The following NOL4L variants were observed in gnomAD, a reference collection of about 807,000 sequenced individuals.
NOL4L encodes the protein nucleolar protein 4-like.
A neutral mutation model predicts 64.5 loss-of-function variants in NOL4L; 7 were observed. The observed-to-expected ratio is 0.11, with a 90% CI of 0.06 to 0.20. The LOEUF (loss-of-function observed/expected upper bound fraction) is 0.20. NOL4L is among the 10% of genes least tolerant of loss of function. The pLI is 1.00. For missense variants in NOL4L, 680 were observed against 967.1 expected (o/e 0.70, Z 3.94); for synonymous variants, 413 against 401.0 (o/e 1.03, Z -0.36).
chr20:32,455,904 G>T (rs911311590), intron 6 of NOL4L, among the ~76,000 whole-genome samples: 1 of 152,120 alleles, frequency 6.6e-6, no homozygotes, highest in Non-Finnish European at 1.5e-5. Context: ...TCACAGGCTC[G>T]GAGAAGGGGG....
chr20:32,528,433 C>T (rs567801220), intron 1 of NOL4L, among the ~76,000 whole-genome samples: 1 of 152,382 alleles, frequency 6.6e-6, no homozygotes, highest in East Asian at 1.9e-4. Context: ...GCCCTCCCCA[C>T]TCCAGCAGCT....
At chr20:32,449,355 A>C (rs2012639563) in intron 10 of NOL4L, among the ~76,000 whole-genome samples, 1 of 152,202 alleles carries the variant, frequency 6.6e-6, no homozygotes, top group Admixed American at 6.5e-5. Context: ...TTATGCTGCT[A>C]TGAAGAGAGA....
At chr20:32,483,704 GAGGAGCAGC>G (rs200637071) in intron 4 of NOL4L, 12,860 of 81,918 alleles carry the variant, frequency 0.16, 2,017 homozygotes, top group East Asian at 0.72. Context: ...GGGGGAGTAG[GAGGAGCAGC>G]AGGAGGAGGT....
At chr20:32,447,959 C>T (rs539366107) in intron 10 of NOL4L, 143 bp from the exon 11 acceptor site, 2 of 1,089,044 alleles carry the variant, frequency 1.8e-6, no homozygotes, top group South Asian at 2.0e-5. Flanking sequence ...GGTCCATCTC[C>T]CTGATGGCTC....
intron 1 of NOL4L, among the ~76,000 whole-genome samples, chr20:32,563,148 A>AGTGGAGGGCAGGGAGG (rs1979177497): frequency 0.012 from 1 of 84 alleles, no homozygotes; most frequent in African/African-American, 0.05. Context: ...AGGGAGGGAG[A>AGTGGAGGGCAGGGAGG]GTGGAGTGCA....
chr20:32,475,800 A>C (rs1336992516), intron 4 of NOL4L, among the ~76,000 whole-genome samples: 1 of 152,080 alleles, frequency 6.6e-6, no homozygotes, highest in Non-Finnish European at 1.5e-5. Flanking sequence ...CACCTCTTTT[A>C]TAGTGAGCAA....
chr20:32,580,823 C>G (rs6058746), intron 1 of NOL4L, among the ~76,000 whole-genome samples: 78,728 of 152,194 alleles, frequency 0.52, 24,167 homozygotes, highest in East Asian at 0.94. Context: ...GCTCTCTGAT[C>G]CTAGGAACTG....
At chr20:32,494,735 G>A (rs1051082516) in intron 4 of NOL4L, among the ~76,000 whole-genome samples, 3 of 152,174 alleles carry the variant, frequency 2.0e-5, no homozygotes, top group Admixed American at 6.5e-5. Context: ...ACAATGCCTC[G>A]AATGTGGACA....
intron 5 of NOL4L, 143 bp from the exon 6 acceptor site, chr20:32,456,538 C>A: frequency 1.2e-6 from 1 of 800,548 alleles, no homozygotes; most frequent in Non-Finnish European, 1.7e-6. Flanking sequence ...AGGCAATTTG[C>A]CCCAGCCCAC....
chr20:32,554,395 G>T (rs183330055), intron 1 of NOL4L, among the ~76,000 whole-genome samples: 1 of 151,660 alleles, frequency 6.6e-6, no homozygotes, highest in South Asian at 2.1e-4. Flanking sequence ...AGGTGAAGGC[G>T]CTTGTCACAG....
At chr20:32,485,746 G>A (rs1600730554) in intron 4 of NOL4L, 1 of 470,768 alleles carries the variant, frequency 2.1e-6, no homozygotes, top group East Asian at 7.0e-5. Context: ...TCCAAACGCG[G>A]GAACTGTCCA....
intron 4 of NOL4L, chr20:32,483,259 C>T (rs1003975732): frequency 8.6e-6 from 6 of 698,662 alleles, no homozygotes; most frequent in South Asian, 6.3e-5. Context: ...CCCTCGCCCC[C>T]CTAACCGCAG....
intron 4 of NOL4L, among the ~76,000 whole-genome samples, chr20:32,490,641 C>T (rs2016429829): frequency 6.6e-6 from 1 of 152,182 alleles, no homozygotes; most frequent in African/African-American, 2.4e-5. Context: ...ACTATTTCCT[C>T]ATTCTTCTCT....
At chr20:32,475,548 G>A (rs1006667292) in intron 4 of NOL4L, among the ~76,000 whole-genome samples, 3 of 152,362 alleles carry the variant, frequency 2.0e-5, no homozygotes, top group East Asian at 1.9e-4. Context: ...CCCCCGGGGC[G>A]GGGCCCCTTC....
At chr20:32,488,790 C>T (rs6058718) in intron 4 of NOL4L, among the ~76,000 whole-genome samples, 825 of 39,486 alleles carry the variant, frequency 0.021, 30 homozygotes, top group African/African-American at 0.073. Flanking sequence ...TTCCTTCCTT[C>T]CTTTCTTTCT....
intron 1 of NOL4L, chr20:32,536,140 A>T: frequency 1.0e-6 from 1 of 985,480 alleles, no homozygotes; most frequent in Non-Finnish European, 1.2e-6. Context: ...CACAAACAGC[A>T]CCCGCCCTAG....
intron 4 of NOL4L, chr20:32,475,404 G>A: frequency 1.1e-6 from 1 of 948,012 alleles, no homozygotes; most frequent in Non-Finnish European, 1.3e-6. Flanking sequence ...AGACCGCAAA[G>A]GGGGTTCAGC....
chr20:32,466,420 G>T (rs773661296), intron 5 of NOL4L, among the ~76,000 whole-genome samples: 27 of 152,188 alleles, frequency 1.8e-4, no homozygotes, highest in Non-Finnish European at 4.0e-4. Flanking sequence ...CTCACCCCTT[G>T]GCGGGCCGGG....
chr20:32,558,434 G>A lies in NOL4L; in HGVS notation c.321+26136C>T, dbSNP rs971801458. ...CCCCAGGGTGTGTGTAGGGGGGCAA[G>A]CTCACAAAAGTCCAAGGGGCCCCAG... On this transcript the variant is annotated intron_variant, in intron 1 of 10. Coordinates refer to ENST00000621426, the MANE Select transcript of NOL4L (RefSeq NM_001256798.2). Among the ~76,000 whole-genome samples the A allele has an allele frequency of 2.0e-5, 3 of 152,196 alleles. No individual in the cohort carries two copies. In the East Asian group the frequency reaches 5.8e-4, roughly 29 times the overall value.
Sources: allele counts gnomAD v4.1 joint callset (sites outside exome capture counted in the v4.1 genomes callset), GRCh38; gene constraint gnomAD v4.1.1; transcripts MANE v1.5; gene names NCBI Gene and HGNC (gene_info 2026-07-23, HGNC 2026-07-21).